Variants in SLC4A4 observed in about 807,000 individuals in gnomAD.
SLC4A4 encodes the protein solute carrier family 4 member 4.
In SLC4A4, 27 loss-of-function variants were observed where a neutral mutation model predicts 111.5. The ratio of observed to expected loss-of-function variants is 0.24; its 90% confidence interval spans 0.18 to 0.33. The LOEUF is 0.33. SLC4A4 is among the 10% of genes least tolerant of loss of function. The pLI, the probability that SLC4A4 is intolerant of heterozygous loss-of-function variation, is 1.00. For synonymous variants in SLC4A4, 443 were observed against 463.4 expected, an observed-to-expected ratio of 0.96 and a Z score of 0.57; for missense variants, 909 against 1,315.5, an observed-to-expected ratio of 0.69 and a Z score of 4.78.
intron 7 of SLC4A4, among the ~76,000 whole-genome samples, chr4:71,400,526 A>C (rs954877597): frequency 6.6e-6 from 1 of 152,148 alleles, no homozygotes; most frequent in Non-Finnish European, 1.5e-5. Flanking sequence ...TAATTATAAG[A>C]CCAACTATTA....
intron 7 of SLC4A4, among the ~76,000 whole-genome samples, chr4:71,408,137 T>A (rs989438159): frequency 7.9e-5 from 12 of 152,188 alleles, no homozygotes; most frequent in African/African-American, 2.9e-4. Flanking sequence ...ATCAGTCTTT[T>A]TTCACTGACC....
intron 7 of SLC4A4, among the ~76,000 whole-genome samples, chr4:71,417,923 G>A (rs773255555): frequency 2.6e-5 from 4 of 152,100 alleles, no homozygotes; most frequent in Admixed American, 6.5e-5. Flanking sequence ...AGACCTTTAC[G>A]CTTTTGAGAC....
chr4:71,167,334 A>G (rs1744804847), intron 2 of SLC4A4, among the ~76,000 whole-genome samples: 1 of 152,208 alleles, frequency 6.6e-6, no homozygotes, highest in African/African-American at 2.4e-5. Flanking sequence ...AAGCATGGCT[A>G]TTCTGGCAAA....
chr4:71,288,647 C>T (rs547766907), intron 3 of SLC4A4, among the ~76,000 whole-genome samples: 1 of 152,096 alleles, frequency 6.6e-6, no homozygotes, highest in Non-Finnish European at 1.5e-5. Flanking sequence ...GATCCACCCC[C>T]CTTGGCCTCC....
rs1037130737 is a variant in SLC4A4 at position 71,125,039 on chromosome 4, G to T, written c.-2+32247G>T. ...TGGAATTAATGATTAGAGTTCAAGT[G>T]CTGAGAGGATAGCATTGGTACTGCA... is the stretch of plus-strand genomic sequence containing the variant. On this transcript the variant is annotated intron_variant, in intron 2 of 26. Transcript: ENST00000649996. 2.1e-4 allele frequency among the ~76,000 whole-genome samples: 32 copies of T among 152,178 alleles called. 1 individual carries two copies. Among genetic ancestry groups the T allele is most frequent in the Admixed American group, 2.0e-3 (31 of 15,280 alleles).
At chr4:71,423,475 T>G (rs545616511) in intron 7 of SLC4A4, among the ~76,000 whole-genome samples, 1 of 152,158 alleles carries the variant, frequency 6.6e-6, no homozygotes, top group Non-Finnish European at 1.5e-5. Context: ...CTTCACAGAA[T>G]TGAAAAAACT....
chr4:71,364,997 C>T (rs1028634223), intron 6 of SLC4A4, among the ~76,000 whole-genome samples: 6 of 152,042 alleles, frequency 3.9e-5, no homozygotes, highest in African/African-American at 1.5e-4. Flanking sequence ...AATGAGTTGT[C>T]ACTCATGGGC....
intron 7 of SLC4A4, among the ~76,000 whole-genome samples, chr4:71,417,074 A>G (rs1162911516): frequency 6.6e-6 from 1 of 152,178 alleles, no homozygotes; most frequent in Non-Finnish European, 1.5e-5. Flanking sequence ...GTTTCTATGC[A>G]TGGGTGTAAA....
At chr4:71,181,238 A>T (rs1384914234) in intron 2 of SLC4A4, among the ~76,000 whole-genome samples, 1 of 125,038 alleles carries the variant, frequency 8.0e-6, no homozygotes, top group African/African-American at 3.0e-5. Flanking sequence ...GGGGGGAGGG[A>T]TAGCATTAGG....
At chr4:71,243,772 C>T (rs931817306) in intron 2 of SLC4A4, among the ~76,000 whole-genome samples, 2 of 152,124 alleles carry the variant, frequency 1.3e-5, no homozygotes, top group Admixed American at 1.3e-4. Flanking sequence ...TTGTTTCTGC[C>T]TTTCCATAGA....
At chr4:71,327,157 C>A (rs1336490383) in intron 3 of SLC4A4, among the ~76,000 whole-genome samples, 1 of 151,876 alleles carries the variant, frequency 6.6e-6, no homozygotes, top group Admixed American at 6.6e-5. Flanking sequence ...GCAGGGTGGC[C>A]ACAGTGGGAT....
intron 3 of SLC4A4, among the ~76,000 whole-genome samples, chr4:71,316,163 T>C (rs925904131): frequency 2.6e-5 from 4 of 152,178 alleles, no homozygotes; most frequent in African/African-American, 9.7e-5. Context: ...AGTATCTCAG[T>C]AGGAACTAGT....
At chr4:71,490,435 A>T (rs1311684529) in intron 15 of SLC4A4, among the ~76,000 whole-genome samples, 2 of 151,842 alleles carry the variant, frequency 1.3e-5, no homozygotes. Context: ...GATACAGGAC[A>T]TTTCCATCAT....
chr4:71,567,159 T>C (rs1394748957), intron 25 of SLC4A4, 76 bp downstream of exon 25: 8 of 1,142,440 alleles, frequency 7.0e-6, no homozygotes, highest in Non-Finnish European at 1.0e-5. Flanking sequence ...GGTGGGTTAT[T>C]GACAGAACTT....
chr4:71,239,459 A>G (rs1188573669), intron 2 of SLC4A4, among the ~76,000 whole-genome samples: 1 of 152,166 alleles, frequency 6.6e-6, no homozygotes, highest in Non-Finnish European at 1.5e-5. Flanking sequence ...ACTCTCTCTT[A>G]GTTGCTTCGA....
At chr4:71,391,656 G>T (rs1398403435) in intron 6 of SLC4A4, among the ~76,000 whole-genome samples, 1 of 151,894 alleles carries the variant, frequency 6.6e-6, no homozygotes, top group Non-Finnish European at 1.5e-5. Context: ...TTTTCTTATG[G>T]CCAGAAAATA....
intron 1 of SLC4A4, among the ~76,000 whole-genome samples, chr4:71,079,310 A>C (rs552863828): frequency 1.5e-3 from 234 of 152,258 alleles, no homozygotes; most frequent in Non-Finnish European, 2.6e-3. Flanking sequence ...GGCAGGTGAA[A>C]CATGGGACAC....
intron 3 of SLC4A4, among the ~76,000 whole-genome samples, chr4:71,283,069 G>C (rs758504088): frequency 6.6e-6 from 1 of 152,156 alleles, no homozygotes; most frequent in Non-Finnish European, 1.5e-5. Flanking sequence ...CAAGTGTTCT[G>C]TCATGCATTT....
chr4:71,495,395 T>C (rs1483275806), intron 15 of SLC4A4, among the ~76,000 whole-genome samples: 1 of 152,116 alleles, frequency 6.6e-6, no homozygotes, highest in Non-Finnish European at 1.5e-5. Context: ...TTATGACTTC[T>C]AAACTTTAAA....
Sources: allele counts gnomAD v4.1 joint callset (sites outside exome capture counted in the v4.1 genomes callset), GRCh38; gene constraint gnomAD v4.1.1; transcripts MANE v1.5; gene names NCBI Gene and HGNC (gene_info 2026-07-23, HGNC 2026-07-21).